The following PAX5 variants were observed in gnomAD, a reference collection of about 807,000 sequenced individuals.
PAX5 encodes the protein paired box 5, also known as paired box protein Pax-5.
A neutral mutation model predicts 43.7 loss-of-function variants in PAX5; 9 were observed. The ratio of observed to expected loss-of-function variants is 0.21; its 90% CI spans 0.12 to 0.36. The LOEUF (loss-of-function observed/expected upper bound fraction) is 0.36. Ranked by LOEUF, PAX5 falls within the 10% of genes least tolerant of loss-of-function variation. PAX5 has a pLI of 1.00. For synonymous variants in PAX5, 228 were observed against 214.3 expected (o/e 1.06, Z -0.56); for missense variants, 383 against 532.7 (o/e 0.72, Z 2.77).
At chr9:36,964,449 G>A (rs1432889808) in intron 6 of PAX5, among the ~76,000 whole-genome samples, 6 of 151,840 alleles carry the variant, frequency 4.0e-5, no homozygotes, top group East Asian at 1.9e-4. Context: ...AAAATTAGCC[G>A]GGCGTGGTGG....
At chr9:36,984,621 T>A (rs1209743503) in intron 5 of PAX5, among the ~76,000 whole-genome samples, 1 of 151,782 alleles carries the variant, frequency 6.6e-6, no homozygotes, top group Non-Finnish European at 1.5e-5. Context: ...TTTGTATTTT[T>A]AGTAGAGGTT....
intron 6 of PAX5, among the ~76,000 whole-genome samples, chr9:36,924,981 C>T (rs1830537462): frequency 6.6e-6 from 1 of 151,946 alleles, no homozygotes; most frequent in Non-Finnish European, 1.5e-5. Flanking sequence ...GGGTTATGTC[C>T]TTGTCAGGGA....
chr9:36,980,381 G>T (rs573330144), intron 5 of PAX5, among the ~76,000 whole-genome samples: 43 of 152,288 alleles, frequency 2.8e-4, no homozygotes, highest in East Asian at 1.2e-3. Flanking sequence ...AGGTGCCTCT[G>T]GGGGGAGCCA....
At chr9:36,966,903 CAGAGT>C (rs1834491771) in intron 5 of PAX5, among the ~76,000 whole-genome samples, 179 bp from the exon 6 acceptor site, 1 of 152,224 alleles carries the variant, frequency 6.6e-6, no homozygotes, top group Non-Finnish European at 1.5e-5. Context: ...CTGGTAAGTT[CAGAGT>C]CAGCCTCCCG....
intron 2 of PAX5, among the ~76,000 whole-genome samples, chr9:37,016,402 A>G (rs1839384726): frequency 6.6e-6 from 1 of 152,224 alleles, no homozygotes; most frequent in Non-Finnish European, 1.5e-5. Flanking sequence ...ACCAACCACA[A>G]GTCACGGCAA....
chr9:36,936,461 C>A (rs896311289), intron 6 of PAX5, among the ~76,000 whole-genome samples: 3 of 152,216 alleles, frequency 2.0e-5, no homozygotes, highest in Non-Finnish European at 4.4e-5. Context: ...TGGGGCCCAG[C>A]TGCTCTTCCC....
chr9:36,922,152 C>T (rs905859356), intron 7 of PAX5, among the ~76,000 whole-genome samples: 5 of 152,196 alleles, frequency 3.3e-5, no homozygotes, highest in African/African-American at 1.2e-4. Context: ...GCTGACCCTT[C>T]AGCCCAGGTC....
At chr9:36,861,384 G>A (rs1824200570) in intron 8 of PAX5, 3 of 150,436 alleles carry the variant, frequency 2.0e-5, no homozygotes, top group African/African-American at 7.4e-5. Flanking sequence ...TGCCCTCATG[G>A]AGCTTATATT....
At chr9:36,849,379 T>G (rs534209857) in intron 8 of PAX5, among the ~76,000 whole-genome samples, 2 of 152,388 alleles carry the variant, frequency 1.3e-5, no homozygotes, top group African/African-American at 4.8e-5. Flanking sequence ...TTGTTTATCC[T>G]GCTTATCTTA....
At chr9:36,866,164 C>T (rs1049724620) in intron 8 of PAX5, among the ~76,000 whole-genome samples, 2 of 152,164 alleles carry the variant, frequency 1.3e-5, no homozygotes, top group African/African-American at 2.4e-5. Context: ...TGAAGAAGCG[C>T]GGGCGGGCCG....
intron 7 of PAX5, among the ~76,000 whole-genome samples, chr9:36,913,569 C>A (rs549599417): frequency 9.1e-4 from 139 of 152,376 alleles, no homozygotes; most frequent in African/African-American, 3.2e-3. Flanking sequence ...CCAATCAGGA[C>A]AGGCCCAAAC....
At chr9:36,901,879 A>T (rs1828425255) in intron 7 of PAX5, among the ~76,000 whole-genome samples, 1 of 152,208 alleles carries the variant, frequency 6.6e-6, no homozygotes, top group South Asian at 2.1e-4. Flanking sequence ...ATGTAAAATC[A>T]CTTAGTAAAC....
At chr9:36,926,690 G>C (rs1469979387) in intron 6 of PAX5, among the ~76,000 whole-genome samples, 2 of 152,180 alleles carry the variant, frequency 1.3e-5, no homozygotes, top group African/African-American at 2.4e-5. Context: ...TAGAGTTTCT[G>C]GGCCCCCAGG....
chr9:36,966,822 A>C (rs942725193), intron 5 of PAX5, 98 bp from the exon 6 acceptor site: 14 of 1,068,420 alleles, frequency 1.3e-5, no homozygotes, highest in Non-Finnish European at 1.9e-5. Flanking sequence ...ACCTGACCCC[A>C]ACTCCCTCCC....
At chr9:36,999,459 C>G (rs1375247313) in intron 5 of PAX5, among the ~76,000 whole-genome samples, 1 of 152,218 alleles carries the variant, frequency 6.6e-6, no homozygotes. Flanking sequence ...GTGGTTGGAT[C>G]CTATCACCCG....
At chr9:36,946,316 G>A (rs921853601) in intron 6 of PAX5, among the ~76,000 whole-genome samples, 6 of 152,178 alleles carry the variant, frequency 3.9e-5, no homozygotes, top group South Asian at 4.1e-4. Flanking sequence ...TGTTTCTCCC[G>A]GTGCACAGAT....
At chr9:36,987,691 C>T (rs1320211739) in intron 5 of PAX5, among the ~76,000 whole-genome samples, 1 of 152,156 alleles carries the variant, frequency 6.6e-6, no homozygotes, top group East Asian at 1.9e-4. Flanking sequence ...CTGGGGTCTG[C>T]TGGAAGATGC....
Position 36,882,018 on chromosome 9 carries a change from G to A in PAX5, c.998C>T (p.Thr333Ile). The part of the protein sequence containing the change: ...GQGSYSAPTL[T>I]GMVPGSEFSG... ...TGCAAACTCACCAGGCACCATCCCT[G>A]TCAGCGTCGGTGCTGAGTAGCTGCC... The change falls in exon 8 of 10, where the codon ACA becomes ATA. Residue 333 changes from threonine (T) to isoleucine (I), a missense_variant. Transcript: ENST00000358127. This position sits in a 1 kb window ranked among gnomAD's most constrained non-coding sequence, Gnocchi z 4.4. 6.2e-7 allele frequency: 1 copy of A among 1,612,376 alleles called. No individual in the cohort carries two copies. The highest frequency in any genetic ancestry group is 8.5e-7 in the Non-Finnish European group (1 of 1,179,334).
chr9:36,898,499 C>T (rs1828070297), intron 7 of PAX5, among the ~76,000 whole-genome samples: 1 of 152,200 alleles, frequency 6.6e-6, no homozygotes, highest in African/African-American at 2.4e-5. Flanking sequence ...ATCACAGGCT[C>T]CTTCTGCCCC....
Sources: allele counts gnomAD v4.1 joint callset (sites outside exome capture counted in the v4.1 genomes callset), GRCh38; gene constraint gnomAD v4.1.1; non-coding constraint Gnocchi (gnomAD v3.1); transcripts MANE v1.5; gene names NCBI Gene and HGNC (gene_info 2026-07-23, HGNC 2026-07-21).